AGBL1: variants seen among roughly 807,000 people sequenced by gnomAD.
The protein encoded by AGBL1 is AGBL carboxypeptidase 1.
In AGBL1, 130 loss-of-function variants were observed where a neutral mutation model predicts 118.9. That is an observed-to-expected ratio of 1.09 (90% CI 0.95 to 1.26). The LOEUF is 1.26. Among genes scored for constraint, AGBL1 ranks in the 50% most tolerant of loss-of-function variants. The pLI is 0.00. For missense variants in AGBL1, 1,584 were observed against 1,298.1 expected (o/e 1.22, Z -3.38); for synonymous variants, 555 against 478.9 (o/e 1.16, Z -2.08).
At chr15:86,398,386 G>GTAA (rs1207850272) in intron 18 of AGBL1, among the ~76,000 whole-genome samples, 5 of 152,016 alleles carry the variant, frequency 3.3e-5, no homozygotes, top group Non-Finnish European at 5.9e-5. Flanking sequence ...CCTTGCCATG[G>GTAA]TAATAGATGA....
At position 86,295,306 on chromosome 15, in the gene AGBL1, C is replaced by T. The variant is rs545196930; in HGVS notation, c.2272C>T (p.Arg758Trp). 9.0e-5 allele frequency: 145 copies of T among 1,613,664 alleles called. No homozygotes were observed. The highest frequency in any genetic ancestry group is 2.6e-4 in the South Asian group (24 of 91,062). Residue 758 changes from arginine to tryptophan, a missense_variant, in exon 17 of 23, where the codon CGG becomes TGG. Physicochemically the swap from Arg to Trp is moderately radical, Grantham distance 101. Transcript: ENST00000614907. Reference sequence around the variant, plus strand: ...TGTCAACCTCAAAGAGGTCTACTTCCGGCAAGATGTTCTCTGCCAGACGCT... The same window carrying T: ...TGTCAACCTCAAAGAGGTCTACTTCTGGCAAGATGTTCTCTGCCAGACGCT... ...KSVNLKEVYF[R>W]QDVLCQTLGG...
intron 21 of AGBL1, among the ~76,000 whole-genome samples, chr15:86,632,358 G>A (rs1489977438): frequency 6.6e-6 from 1 of 151,672 alleles, no homozygotes; most frequent in East Asian, 1.9e-4. Flanking sequence ...CAGGGAAATC[G>A]CTTGAACCCA....
Position 86,975,185 on chromosome 15 carries a change from T to G in AGBL1, c.3222-12802T>G, listed in dbSNP as rs550727516. Among the ~76,000 whole-genome samples the G allele has an allele frequency of 4.6e-5, 7 of 151,942 alleles. No individual in the cohort carries two copies. In the South Asian group the frequency reaches 1.5e-3, roughly 32 times the overall value. On this transcript the variant is annotated intron_variant, in intron 23 of 24. Transcript: ENST00000441037. Reference sequence around the variant, plus strand: ...TAGTCTGTTCTCAAGCTGCTAATAATGACATACCGGAGACTAGGTAATTAA... The same window carrying G: ...TAGTCTGTTCTCAAGCTGCTAATAAGGACATACCGGAGACTAGGTAATTAA...
intron 21 of AGBL1, among the ~76,000 whole-genome samples, chr15:86,560,660 T>C (rs924604573): frequency 6.6e-6 from 1 of 152,228 alleles, no homozygotes; most frequent in Non-Finnish European, 1.5e-5. Context: ...TACCCAGTAA[T>C]GGGATGGCTG....
intron 17 of AGBL1, among the ~76,000 whole-genome samples, chr15:86,393,335 A>T (rs180672211): frequency 6.6e-6 from 1 of 152,346 alleles, no homozygotes; most frequent in Non-Finnish European, 1.5e-5. Context: ...ACTGGCCCAG[A>T]CAATGGAAGT....
chr15:86,930,398 G>A (rs889343700), intron 23 of AGBL1, among the ~76,000 whole-genome samples: 7 of 152,108 alleles, frequency 4.6e-5, no homozygotes, highest in East Asian at 1.9e-4. Flanking sequence ...GGACAGGGGC[G>A]GGATAGCAGT....
intron 17 of AGBL1, among the ~76,000 whole-genome samples, chr15:86,379,335 C>T (rs1004524143): frequency 1.3e-5 from 2 of 152,100 alleles, no homozygotes; most frequent in African/African-American, 2.4e-5. Flanking sequence ...TAAATTAATA[C>T]GATAATATCC....
chr15:86,154,667 C>T, intron 4 of AGBL1, 106 bp downstream of exon 4: 1 of 1,337,622 alleles, frequency 7.5e-7, no homozygotes, highest in Non-Finnish European at 1.0e-6. Flanking sequence ...GTGAGAGATA[C>T]ACATGGTGGT....
intron 22 of AGBL1, among the ~76,000 whole-genome samples, chr15:86,905,995 A>C (rs1344566104): frequency 6.6e-6 from 1 of 152,186 alleles, no homozygotes; most frequent in Non-Finnish European, 1.5e-5. Context: ...CCTGGAGAGC[A>C]CAGAAGCAGC....
At chr15:86,280,675 T>C (rs1457129899) in intron 16 of AGBL1, among the ~76,000 whole-genome samples, 1 of 152,210 alleles carries the variant, frequency 6.6e-6, no homozygotes, top group Admixed American at 6.5e-5. Flanking sequence ...ATGAGCATTT[T>C]CATTTTAAGG....
intron 21 of AGBL1, among the ~76,000 whole-genome samples, chr15:86,580,337 T>A (rs2084156291): frequency 6.6e-6 from 1 of 152,116 alleles, no homozygotes; most frequent in Non-Finnish European, 1.5e-5. Flanking sequence ...TACTTTTGGC[T>A]GAAAAAAGGG....
chr15:86,721,450 CG>C (rs1239652712), intron 22 of AGBL1, among the ~76,000 whole-genome samples: 3 of 152,126 alleles, frequency 2.0e-5, no homozygotes, highest in Non-Finnish European at 4.4e-5. Flanking sequence ...AATTCAACAA[CG>C]CTTCATGCTA....
rs186246891 is a variant in AGBL1 at position 86,761,531 on chromosome 15, T to G, written c.3158+87095T>G. Among the ~76,000 whole-genome samples, 115 of 152,182 alleles carry G rather than the reference T, an allele frequency of 7.6e-4. 1 individual carries two copies. Among genetic ancestry groups the G allele is most frequent in the African/African-American group, 2.7e-3 (113 of 41,548 alleles). Reference sequence around the variant, plus strand: ...TCACTGTAGCTGAATCTTCATCAGCTCTGTGGTAAATTTGCTTCCATTCAG... The same window carrying G: ...TCACTGTAGCTGAATCTTCATCAGCGCTGTGGTAAATTTGCTTCCATTCAG... On this transcript the variant is annotated intron_variant, in intron 22 of 22. Coordinates refer to ENST00000614907, the MANE Select transcript of AGBL1 (RefSeq NM_001386094.1).
At chr15:86,146,281 T>C (rs546126658) in intron 3 of AGBL1, among the ~76,000 whole-genome samples, 11 of 152,362 alleles carry the variant, frequency 7.2e-5, no homozygotes, top group African/African-American at 2.6e-4. Flanking sequence ...TTCTTGTCAT[T>C]ATTCCCTAAG....
chr15:86,435,758 T>A (rs781526470), intron 18 of AGBL1, among the ~76,000 whole-genome samples: 1 of 152,168 alleles, frequency 6.6e-6, no homozygotes, highest in Non-Finnish European at 1.5e-5. Context: ...CGGCTCGGAT[T>A]CCTTCCCAGT....
chr15:86,560,914 G>A (rs1352726758), intron 21 of AGBL1, among the ~76,000 whole-genome samples: 1 of 152,170 alleles, frequency 6.6e-6, no homozygotes, highest in Non-Finnish European at 1.5e-5. Flanking sequence ...TTTTTCATGT[G>A]TCTGTTGGCG....
At chr15:87,013,523 T>C (rs2081582154) in intron 24 of AGBL1, among the ~76,000 whole-genome samples, 1 of 90,086 alleles carries the variant, frequency 1.1e-5, no homozygotes, top group East Asian at 4.0e-4. Context: ...TTTTCTTTTG[T>C]TTTTGAATAG....
intron 19 of AGBL1, 87 bp from the exon 20 acceptor site, chr15:86,545,915 T>C (rs2083573686): frequency 6.8e-7 from 1 of 1,469,420 alleles, no homozygotes; most frequent in African/African-American, 1.4e-5. Flanking sequence ...CTTTGAGCCA[T>C]GGAACATGAG....
intron 22 of AGBL1, among the ~76,000 whole-genome samples, chr15:86,689,147 T>G (rs952504359): frequency 6.6e-6 from 1 of 152,154 alleles, no homozygotes; most frequent in Non-Finnish European, 1.5e-5. Context: ...GACGCATCAG[T>G]TCTAACTTAA....
Sources: gnomAD v4.1 joint callset for allele counts (sites outside exome capture counted in the v4.1 genomes callset) on GRCh38, gnomAD v4.1.1 for gene constraint, MANE v1.5 for transcripts, NCBI Gene and HGNC (gene_info 2026-07-23, HGNC 2026-07-21) for gene names.